The following AFF1 variants were observed in gnomAD, a reference collection of about 807,000 sequenced individuals.
AFF1 encodes AF4/FMR2 family member 1.
A neutral mutation model predicts 121.7 loss-of-function variants in AFF1; 48 were observed. The observed-to-expected ratio is 0.39, with a 90% CI of 0.31 to 0.50. The LOEUF is 0.50. AFF1 is among the 20% of genes least tolerant of loss of function. AFF1 has a pLI of 0.76. For synonymous variants in AFF1, 613 were observed against 563.0 expected (o/e 1.09, Z -1.26); for missense variants, 1,523 against 1,511.7 (o/e 1.01, Z -0.12).
rs764773871 is a variant in AFF1, at chr4:87,046,326, A to G, written c.159+40A>G. 8 of 1,598,868 alleles carry G rather than the reference A, an allele frequency of 5.0e-6. No individual in the cohort carries two copies. The African/African-American group carries it at 9.5e-5, about 19-fold the overall frequency. On this transcript the variant is annotated intron_variant, in intron 3 of 20. Transcript: ENST00000395146. ...CTAGACATTGAAGTCCTGATTTATC[A>G]CAATGTTGAACCCTATGATGAAACA...
At chr4:87,127,222 A>G (rs1728365110) in intron 15 of AFF1, 105 bp downstream of exon 15, 4 of 993,298 alleles carry the variant, frequency 4.0e-6, no homozygotes, top group Non-Finnish European at 6.1e-6. Flanking sequence ...GTGTAGTGGC[A>G]TGATCTTGGC....
chr4:86,939,388 AAAATAT>A (rs1720291514), intron 1 of AFF1, among the ~76,000 whole-genome samples: 1 of 152,138 alleles, frequency 6.6e-6, no homozygotes, highest in African/African-American at 2.4e-5. Context: ...GCTTGACTCT[AAAATAT>A]AAATAGTGTT....
At chr4:87,036,905 C>A (rs558766823) in intron 2 of AFF1, 3 of 409,102 alleles carry the variant, frequency 7.3e-6, no homozygotes, top group African/African-American at 2.2e-5. Flanking sequence ...GACCTGGGCT[C>A]GCTGTAACCT....
At chr4:87,127,166 T>TGGCC in intron 15 of AFF1, 49 bp downstream of exon 15, 1 of 1,084,620 alleles carries the variant, frequency 9.2e-7, no homozygotes. Context: ...TTGTTTTGCT[T>TGGCC]CCCCCCCCCA....
intron 2 of AFF1, among the ~76,000 whole-genome samples, chr4:87,028,096 AACCCAAAAC>A (rs1256645870): frequency 2.6e-5 from 4 of 152,172 alleles, no homozygotes; most frequent in Non-Finnish European, 4.4e-5. Context: ...AAAAAATTGA[AACCCAAAAC>A]ACTTAAGGTC....
intron 2 of AFF1, among the ~76,000 whole-genome samples, chr4:87,027,717 T>G (rs899708507): frequency 6.6e-6 from 1 of 151,888 alleles, no homozygotes; most frequent in Non-Finnish European, 1.5e-5. Flanking sequence ...AAGTACATAT[T>G]AAATAGTCCT....
At chr4:87,044,552 G>A (rs750793093) in intron 2 of AFF1, among the ~76,000 whole-genome samples, 4 of 152,180 alleles carry the variant, frequency 2.6e-5, no homozygotes, top group Non-Finnish European at 5.9e-5. Flanking sequence ...TTTGCCAGAA[G>A]CTGAAAATTA....
At position 87,047,602 on chromosome 4, in the gene AFF1, G is replaced by A. The variant is rs905463286; in HGVS notation, c.1059+8G>A. The stretch of plus-strand genomic sequence containing the variant: ...CCTTCTCAGTCAGTTGAGGTGTGTG[G>A]AATTTCTTATCTTGGGGAATTCCAA... On this transcript the variant is annotated splice_region_variant and intron_variant, in intron 4 of 20. Coordinates refer to ENST00000395146, the MANE Select transcript of AFF1 (RefSeq NM_001166693.3). 1 of 1,614,120 alleles carries A rather than the reference G, an allele frequency of 6.2e-7. No homozygotes were observed. Among genetic ancestry groups the A allele is most frequent in the East Asian group, 2.2e-5 (1 of 44,882 alleles).
intron 18 of AFF1, 88 bp from the exon 19 acceptor site, chr4:87,132,183 G>T (rs115847353): frequency 0.014 from 20,638 of 1,489,636 alleles, 173 homozygotes; most frequent in Non-Finnish European, 0.017. Context: ...GGCAAACCCG[G>T]TGTGTTCATT....
At chr4:87,131,247 C>G in intron 17 of AFF1, 28 bp downstream of exon 17, 1 of 1,612,044 alleles carries the variant, frequency 6.2e-7, no homozygotes, top group South Asian at 1.1e-5. Context: ...GTGCTTTCCT[C>G]TTAAGTCCTT....
intron 11 of AFF1, among the ~76,000 whole-genome samples, chr4:87,109,634 A>C (rs1206877749): frequency 6.6e-6 from 1 of 152,246 alleles, no homozygotes; most frequent in Non-Finnish European, 1.5e-5. Flanking sequence ...AAAAATCTTC[A>C]TGCTAGTTAG....
chr4:86,938,440 A>C (rs1466030852), intron 1 of AFF1, among the ~76,000 whole-genome samples: 2 of 134,322 alleles, frequency 1.5e-5, no homozygotes, highest in Non-Finnish European at 1.6e-5. Flanking sequence ...ACAGAGCAAG[A>C]CTCCGTCTCA....
At chr4:87,052,061 C>T (rs910080033) in intron 4 of AFF1, among the ~76,000 whole-genome samples, 35 of 152,108 alleles carry the variant, frequency 2.3e-4, no homozygotes, top group African/African-American at 8.2e-4. Flanking sequence ...GATGAACATG[C>T]GTCAGTCATG....
At chr4:86,968,714 T>G (rs1459223413) in intron 2 of AFF1, among the ~76,000 whole-genome samples, 1 of 152,178 alleles carries the variant, frequency 6.6e-6, no homozygotes, top group African/African-American at 2.4e-5. Context: ...GGGGAGAAAC[T>G]GCTATATAAA....
intron 2 of AFF1, among the ~76,000 whole-genome samples, chr4:87,013,301 A>C (rs996949812): frequency 9.2e-5 from 14 of 151,950 alleles, no homozygotes; most frequent in Admixed American, 8.5e-4. Context: ...CGGCCTCCCA[A>C]AGTGCTGGGA....
At chr4:86,999,767 T>C (rs993082000) in intron 2 of AFF1, among the ~76,000 whole-genome samples, 1 of 152,134 alleles carries the variant, frequency 6.6e-6, no homozygotes. Flanking sequence ...GCAGAGAGCC[T>C]TTCATGGGAG....
At chr4:86,982,854 A>G (rs1723877990) in intron 2 of AFF1, among the ~76,000 whole-genome samples, 1 of 109,452 alleles carries the variant, frequency 9.1e-6, no homozygotes, top group Non-Finnish European at 1.9e-5. Context: ...TCTCCAAAAA[A>G]AAAAAAAAAA....
intron 1 of AFF1, among the ~76,000 whole-genome samples, chr4:86,937,907 A>G (rs1198723959): frequency 6.6e-6 from 1 of 152,166 alleles, no homozygotes; most frequent in East Asian, 1.9e-4. Flanking sequence ...TGCCTGGCCT[A>G]CAAGTCACTT....
At chr4:86,952,370 T>A (rs1421651081) in intron 2 of AFF1, among the ~76,000 whole-genome samples, 1 of 152,220 alleles carries the variant, frequency 6.6e-6, no homozygotes, top group Non-Finnish European at 1.5e-5. Context: ...AAATTTTAAT[T>A]GTAAGATTTT....
Sources: allele counts gnomAD v4.1 joint callset (sites outside exome capture counted in the v4.1 genomes callset), GRCh38; gene constraint gnomAD v4.1.1; transcripts MANE v1.5; gene names NCBI Gene and HGNC (gene_info 2026-07-23, HGNC 2026-07-21).